The following LHX2 variants were observed in gnomAD, a reference collection of about 807,000 sequenced individuals.
LHX2 encodes LIM/homeobox protein Lhx2.
In LHX2, 6 loss-of-function variants were observed where a neutral mutation model predicts 33.0. The ratio of observed to expected loss-of-function variants is 0.18; its 90% CI spans 0.10 to 0.36. The LOEUF is 0.36. Ranked by LOEUF, LHX2 falls within the 10% of genes least tolerant of loss-of-function variation. The pLI, the probability that LHX2 is intolerant of heterozygous loss-of-function variation, is 1.00. For synonymous variants in LHX2, 292 were observed against 253.1 expected (o/e 1.15, Z -1.46); for missense variants, 442 against 586.2 (o/e 0.75, Z 2.54).
chr9:124,023,350 T>C (rs1421691678), intron 4 of LHX2, among the ~76,000 whole-genome samples: 4 of 152,230 alleles, frequency 2.6e-5, no homozygotes, highest in Non-Finnish European at 4.4e-5. Context: ...TAAGACAGTT[T>C]ACGAATTTGT....
Position 124,012,873 on chromosome 9 carries a change from G to T in LHX2, c.120+405G>T, listed in dbSNP as rs1859117560. ...GGGCGAACCAGCTGGGAGCATTGGG[G>T]CTCCAGCCGGCTTGGGCCGCTCCCA... is the stretch of plus-strand genomic sequence containing the variant. On this transcript the variant is annotated intron_variant, in intron 1 of 4. Coordinates refer to ENST00000373615, the MANE Select transcript of LHX2 (RefSeq NM_004789.4). The surrounding 1 kb of genome is among the most constrained non-coding windows in gnomAD (Gnocchi z 4.3). Among the ~76,000 whole-genome samples, 1 of 152,224 alleles carries T rather than the reference G, an allele frequency of 6.6e-6. No individual in the cohort carries two copies. The highest frequency in any genetic ancestry group is 6.5e-5 in the Admixed American group (1 of 15,284).
Position 124,012,835 on chromosome 9 carries a change from C to A in LHX2, c.120+367C>A, listed in dbSNP as rs954898965. ...CTCCGGTTGCTGGCGGCGCCGCGAG[C>A]GGCGCCAGGGAAGGGCGAACCAGCT... On this transcript the variant is annotated intron_variant, in intron 1 of 4. Transcript: ENST00000373615. The surrounding 1 kb of genome is among the most constrained non-coding windows in gnomAD (Gnocchi z 4.3). 6.6e-6 allele frequency among the ~76,000 whole-genome samples: 1 copy of A among 152,174 alleles called. No individual in the cohort carries two copies. Among genetic ancestry groups the A allele is most frequent in the Non-Finnish European group, 1.5e-5 (1 of 68,016 alleles).
Position 124,012,067 on chromosome 9 carries a change from TCCC to T in LHX2, c.-278_-276del, listed in dbSNP as rs943497760. 2.4e-5 allele frequency: 4 copies of T among 163,474 alleles called. No homozygotes were observed. Among genetic ancestry groups the T allele is most frequent in the Admixed American group, 1.9e-4 (3 of 15,602 alleles). The allele number at this position is 163,474 out of a possible 1,614,324, so 10.1% of individuals were successfully genotyped here. A position where few individuals can be genotyped will look rare whatever the true frequency, so the allele number is the denominator to read the frequency against. On this transcript the variant is annotated 5_prime_UTR_variant, in exon 1 of 5. Transcript: ENST00000373615. The surrounding 1 kb of genome is among the most constrained non-coding windows in gnomAD (Gnocchi z 4.3). Reference sequence around the variant, plus strand: ...GCCGACCTCTGTCCTAGTCTCCTGCTCCCCCCGCCCCGCTTGTCCCGTGCCCTT... The same window carrying T: ...GCCGACCTCTGTCCTAGTCTCCTGCTCCCGCCCCGCTTGTCCCGTGCCCTT...
In LHX2 at chr9:124,021,573, G is replaced by A. The variant is rs181169985; in HGVS notation, c.933+269G>A. On this transcript the variant is annotated intron_variant, in intron 4 of 4. Coordinates refer to ENST00000373615, the MANE Select transcript of LHX2 (RefSeq NM_004789.4). ...CTCCATCCTCATTGTCTCCACACTC[G>A]GTCTCTTTTCTTTCTTCTAAACAAT... 1.6e-4 allele frequency among the ~76,000 whole-genome samples: 24 copies of A among 151,732 alleles called. No homozygotes were observed. The East Asian group carries it at 4.6e-3, about 29-fold the overall frequency.
In LHX2 at chr9:124,012,691, G is replaced by A. The variant is rs1859113909; in HGVS notation, c.120+223G>A. Among the ~76,000 whole-genome samples the A allele has an allele frequency of 6.6e-6, 1 of 152,240 alleles. No homozygotes were observed. Among genetic ancestry groups the A allele is most frequent in the Admixed American group, 6.5e-5 (1 of 15,288 alleles). On this transcript the variant is annotated intron_variant, in intron 1 of 4. Coordinates refer to ENST00000373615, the MANE Select transcript of LHX2 (RefSeq NM_004789.4). The surrounding 1 kb of genome is among the most constrained non-coding windows in gnomAD (Gnocchi z 4.3). The stretch of plus-strand genomic sequence containing the variant: ...TGAAACCGAAATCTCGGCCCTGGGG[G>A]TAGAGGAGAGCGTTTCTTCCGAACT...
chr9:124,032,416 G>T lies in LHX2; in HGVS notation c.934-4G>T, dbSNP rs1244537852. On this transcript the variant is annotated splice_polypyrimidine_tract_variant and splice_region_variant and intron_variant, in intron 4 of 4. Transcript: ENST00000373615. This position sits in a 1 kb window ranked among gnomAD's most constrained non-coding sequence, Gnocchi z 4.1. Reference sequence around the variant, plus strand: ...CACCAGCCCTTCCCTGTCGTCCCCCGCAGGTCTGGTTCCAGAACGCCCGAG... The same window carrying T: ...CACCAGCCCTTCCCTGTCGTCCCCCTCAGGTCTGGTTCCAGAACGCCCGAG... 2 of 1,580,536 alleles carry T rather than the reference G, an allele frequency of 1.3e-6. No homozygotes were observed. Among genetic ancestry groups the T allele is most frequent in the South Asian group, 2.3e-5 (2 of 88,686 alleles).
At chr9:124,029,574 A>C (rs1336719012) in intron 4 of LHX2, among the ~76,000 whole-genome samples, 1 of 152,220 alleles carries the variant, frequency 6.6e-6, no homozygotes, top group Non-Finnish European at 1.5e-5. Context: ...CATTGTTTAC[A>C]AGCCCACTGT....
rs1257188181 is a variant in LHX2, at chr9:124,021,114, AAAACGACGC to A, written c.745_753del (p.Asn249_Ala251del). ...TCCTCCCTAGCGCTAAGCTGCAACG[AAAACGACGC>A]AGAGCACCTGGACCGTGACCAGCCA... On this transcript the variant is annotated inframe_deletion, in exon 4 of 5. Transcript: ENST00000373615. 9 of 1,613,972 alleles carry A rather than the reference AAAACGACGC, an allele frequency of 5.6e-6. No individual in the cohort carries two copies. In the Admixed American group the frequency reaches 8.3e-5, roughly 15 times the overall value.
In LHX2 at chr9:124,015,465, G is replaced by A; in HGVS notation, c.667G>A (p.Gly223Arg). The change falls in exon 3 of 5, where the codon GGG (glycine) becomes AGG (arginine). Residue 223 changes from glycine to arginine, a missense_variant. Coordinates refer to ENST00000373615, the MANE Select transcript of LHX2 (RefSeq NM_004789.4). The surrounding 1 kb of genome is among the most constrained non-coding windows in gnomAD (Gnocchi z 7.9). The part of the protein sequence containing the change: ...YYNGVGTVQK[G>R]RPRKRKSPGP... ...CAATGGCGTGGGCACTGTGCAGAAG[G>A]GGCGGCCGAGGAAACGTAAGAGCCC... The A allele has an allele frequency of 6.6e-7, 1 of 1,512,410 alleles. No individual in the cohort carries two copies. Among genetic ancestry groups the A allele is most frequent in the Non-Finnish European group, 8.8e-7 (1 of 1,132,066 alleles). The allele number at this position is 1,512,410 out of a possible 1,614,324, so 93.7% of individuals were successfully genotyped here.
chr9:124,015,478 A>G lies in LHX2; in HGVS notation c.680A>G (p.Lys227Arg), dbSNP rs1191389072. The G allele has an allele frequency of 6.7e-7, 1 of 1,496,294 alleles. No individual in the cohort carries two copies. The highest frequency in any genetic ancestry group is 8.9e-7 in the Non-Finnish European group (1 of 1,124,206). The allele number at this position is 1,496,294 out of a possible 1,614,324, so 92.7% of individuals were successfully genotyped here. A position where few individuals can be genotyped will look rare whatever the true frequency, so the allele number is the denominator to read the frequency against. The change falls in exon 3 of 5, where the codon AAA becomes AGA. Residue 227 changes from lysine to arginine, a missense_variant. By Grantham distance (26) the Lys-to-Arg change is conservative (BLOSUM62 2). Coordinates refer to ENST00000373615, the MANE Select transcript of LHX2 (RefSeq NM_004789.4). The surrounding 1 kb of genome is among the most constrained non-coding windows in gnomAD (Gnocchi z 7.9). ...ACTGTGCAGAAGGGGCGGCCGAGGA[A>G]ACGTAAGAGCCCGGGCCCCGGTGCG... ...VGTVQKGRPR[K>R]RKSPGPGADL...
chr9:124,018,358 C>G (rs1473276400), intron 3 of LHX2, among the ~76,000 whole-genome samples: 1 of 151,600 alleles, frequency 6.6e-6, no homozygotes, highest in Non-Finnish European at 1.5e-5. Context: ...CCTGGGGAAT[C>G]TCGACCCGCC....
At chr9:124,030,338 C>G (rs1588353206) in intron 4 of LHX2, among the ~76,000 whole-genome samples, 1 of 152,254 alleles carries the variant, frequency 6.6e-6, no homozygotes, top group East Asian at 1.9e-4. Context: ...TGCAGGACAT[C>G]TGGAAATGCG....
chr9:124,013,918 G>A, intron 1 of LHX2, 43 bp from the exon 2 acceptor site: 1 of 1,586,886 alleles, frequency 6.3e-7, no homozygotes, highest in Non-Finnish European at 8.6e-7. Flanking sequence ...GGGGCCGCTG[G>A]CTGACGCAGG....
rs1481649309 is a variant in LHX2 at position 124,032,191 on chromosome 9, G to C, written c.934-229G>C. ...CAGGAGTTAGAAGCTGCAGTGAGTC[G>C]AGATTGTGTCACTGCACTTCAGCCT... On this transcript the variant is annotated intron_variant, in intron 4 of 4. Transcript: ENST00000373615. This position sits in a 1 kb window ranked among gnomAD's most constrained non-coding sequence, Gnocchi z 4.1. 2 of 490,124 alleles carry C rather than the reference G, an allele frequency of 4.1e-6. No individual in the cohort carries two copies. Among genetic ancestry groups the C allele is most frequent in the African/African-American group, 4.0e-5 (2 of 50,402 alleles). 30.4% of individuals were successfully genotyped at this position (490,124 alleles called of 1,614,324 possible). A position where few individuals can be genotyped will look rare whatever the true frequency, so the allele number is the denominator to read the frequency against.
intron 4 of LHX2, among the ~76,000 whole-genome samples, chr9:124,026,171 A>C (rs1033495916): frequency 1.3e-5 from 2 of 151,988 alleles, no homozygotes; most frequent in Non-Finnish European, 2.9e-5. Context: ...GACAATGAAC[A>C]AGACTGGCTG....
chr9:124,021,023 T>C, intron 3 of LHX2, 76 bp from the exon 4 acceptor site: 1 of 1,328,556 alleles, frequency 7.5e-7, no homozygotes, highest in Non-Finnish European at 1.1e-6. Context: ...TGTTTGGCAG[T>C]GGGTGGGGCG....
intron 1 of LHX2, among the ~76,000 whole-genome samples, chr9:124,013,655 G>A (rs992565660): frequency 6.6e-6 from 1 of 152,266 alleles, no homozygotes; most frequent in Non-Finnish European, 1.5e-5. Context: ...CACAGCCCGA[G>A]CATTTTGGGG....
chr9:124,016,854 C>T lies in LHX2; in HGVS notation c.727+1329C>T, dbSNP rs915353451. ...CTTCCATCCCTCCTCTCCTACCACC[C>T]CCCAAAAAAAGACAAAACCGAGTTC... On this transcript the variant is annotated intron_variant, in intron 3 of 4. Coordinates refer to ENST00000373615, the MANE Select transcript of LHX2 (RefSeq NM_004789.4). This position sits in a 1 kb window ranked among gnomAD's most constrained non-coding sequence, Gnocchi z 4.4. Among the ~76,000 whole-genome samples the T allele has an allele frequency of 2.0e-5, 3 of 152,098 alleles. No individual in the cohort carries two copies. Among genetic ancestry groups the T allele is most frequent in the African/African-American group, 7.2e-5 (3 of 41,396 alleles).
intron 3 of LHX2, 62 bp from the exon 4 acceptor site, chr9:124,021,037 G>A (rs1859282538): frequency 6.7e-7 from 1 of 1,496,330 alleles, no homozygotes; most frequent in Non-Finnish European, 9.3e-7. Flanking sequence ...TGGGGCGAGT[G>A]TGGATTTGGC....
Sources: gnomAD v4.1 joint callset for allele counts (sites outside exome capture counted in the v4.1 genomes callset) on GRCh38, gnomAD v4.1.1 for gene constraint, Gnocchi (gnomAD v3.1) non-coding constraint, MANE v1.5 for transcripts, NCBI Gene and HGNC (gene_info 2026-07-23, HGNC 2026-07-21) for gene names.